The following TIAL1 variants were observed in gnomAD, a reference collection of about 807,000 sequenced individuals.
TIAL1 encodes the protein nucleolysin TIAR.
A neutral mutation model predicts 59.7 loss-of-function variants in TIAL1; 7 were observed. The ratio of observed to expected loss-of-function variants is 0.12; its 90% CI spans 0.07 to 0.22. TIAL1 has a LOEUF of 0.22. Among genes scored for constraint, TIAL1 ranks in the 10% least tolerant of loss-of-function variants. TIAL1 has a pLI of 1.00. For missense variants in TIAL1, 225 were observed against 462.5 expected, an observed-to-expected ratio of 0.49 and a Z score of 4.71; for synonymous variants, 149 against 146.3, an observed-to-expected ratio of 1.02 and a Z score of -0.13.
At chr10:119,586,107 T>C (rs1369683086) in intron 2 of TIAL1, among the ~76,000 whole-genome samples, 4 of 152,216 alleles carry the variant, frequency 2.6e-5, no homozygotes, top group East Asian at 1.9e-4. Flanking sequence ...CCGGTCTCTC[T>C]AGAGTTGCAA....
chr10:119,596,369 C>G, intron 1 of TIAL1, 65 bp downstream of exon 1: 2 of 1,592,370 alleles, frequency 1.3e-6, no homozygotes, highest in Non-Finnish European at 1.7e-6. Flanking sequence ...CTCCTGCTCC[C>G]TCCCTTAGCG....
At chr10:119,579,790 T>C (rs1564735219) in intron 6 of TIAL1, 145 bp downstream of exon 6, 1 of 559,398 alleles carries the variant, frequency 1.8e-6, no homozygotes, top group South Asian at 3.0e-5. Flanking sequence ...GAAATTATAC[T>C]CTATTATTAA....
rs73366851 is a variant in TIAL1 at position 119,584,467 on chromosome 10, T to C, written c.130-1910A>G. On this transcript the variant is annotated intron_variant, in intron 2 of 11. Transcript: ENST00000436547. Reference sequence around the variant, plus strand: ...TTATGAAAGAAAAATAAATAGCTGCTAGATACTCTGCTAGAGTTTATACCC... The same window carrying C: ...TTATGAAAGAAAAATAAATAGCTGCCAGATACTCTGCTAGAGTTTATACCC... Among the ~76,000 whole-genome samples, 689 of 152,244 alleles carry C rather than the reference T, an allele frequency of 4.5e-3. 3 individuals are homozygous for C. Among genetic ancestry groups the C allele is most frequent in the African/African-American group, 0.016 (655 of 41,538 alleles).
chr10:119,590,270 T>C (rs1376588393), intron 1 of TIAL1, among the ~76,000 whole-genome samples: 1 of 152,232 alleles, frequency 6.6e-6, no homozygotes, highest in East Asian at 1.9e-4. Context: ...CAGGCCAATG[T>C]AGTGACATAC....
chr10:119,590,756 GAA>G (rs1564744619), intron 1 of TIAL1, among the ~76,000 whole-genome samples: 6 of 102,168 alleles, frequency 5.9e-5, no homozygotes, highest in African/African-American at 2.6e-4. Context: ...GAGACAGAGA[GAA>G]AGAGAGAAAG....
chr10:119,573,658 A>G lies in TIAL1; in HGVS notation c.*2007T>C, dbSNP rs1844810481. 1 of 152,666 alleles carries G rather than the reference A, an allele frequency of 6.6e-6. No homozygotes were observed. The allele number at this position is 152,666 out of a possible 1,614,324, so 9.5% of individuals were successfully genotyped here. A position where few individuals can be genotyped will look rare whatever the true frequency, so the allele number is the denominator to read the frequency against. Reference sequence around the variant, plus strand: ...AGTTGTTCAAGTTTCACATATACTCATAAAATTTTTAACTCGGGGGCACAG... The same window carrying G: ...AGTTGTTCAAGTTTCACATATACTCGTAAAATTTTTAACTCGGGGGCACAG... On this transcript the variant is annotated 3_prime_UTR_variant, in exon 12 of 12. Transcript: ENST00000436547.
rs902763530 is a variant in TIAL1, at chr10:119,577,784, G to A, written c.557-48C>T. 5.4e-6 allele frequency: 8 copies of A among 1,476,714 alleles called. No individual in the cohort carries two copies. The African/African-American group carries it at 1.1e-4, about 21-fold the overall frequency. The allele number at this position is 1,476,714 out of a possible 1,614,324, so 91.5% of individuals were successfully genotyped here. On this transcript the variant is annotated intron_variant, in intron 7 of 11. Coordinates refer to ENST00000436547, the MANE Select transcript of TIAL1 (RefSeq NM_003252.4). ...AACGTTGACTGTTATATTGTACTAT[G>A]AAACTCTTCTGTTAATTACTATATA...
rs200049480 is a variant in TIAL1 at position 119,575,740 on chromosome 10, T to C, written c.1053A>G (p.Gln351=). 4.4e-6 allele frequency: 7 copies of C among 1,607,318 alleles called. No homozygotes were observed. The highest frequency in any genetic ancestry group is 2.3e-5 in the East Asian group (1 of 44,280). The change falls in exon 12 of 12, where the codon CAA becomes CAG. Residue 351 remains glutamine, a synonymous_variant. Transcript: ENST00000436547. ...WMGGFGAQPP[Q]GQAPPPVIPP... is the part of the protein sequence containing the mutation. ...GTATTACAGGGGGAGGAGCTTGTCC[T>C]TGGGGAGGCTGAGCACCAAATCCAC...
In TIAL1 at chr10:119,590,770, A is replaced by G. The variant is rs150004202; in HGVS notation, c.33-2522T>C. Among the ~76,000 whole-genome samples, 558 of 79,616 alleles carry G rather than the reference A, an allele frequency of 7.0e-3. 2 individuals carry two copies. The highest frequency in any genetic ancestry group is 0.017 in the African/African-American group (285 of 16,330). The allele number at this position is 79,616 out of a possible 152,430, so 52.2% of individuals were successfully genotyped here. Reference sequence around the variant, plus strand: ...AGAGACAGAGAGAAAGAGAGAAAGAAAGAAAGAAAGAAAGAAAGAAAGAAA... The same window carrying G: ...AGAGACAGAGAGAAAGAGAGAAAGAGAGAAAGAAAGAAAGAAAGAAAGAAA... On this transcript the variant is annotated intron_variant, in intron 1 of 11. Coordinates refer to ENST00000436547, the MANE Select transcript of TIAL1 (RefSeq NM_003252.4).
Position 119,574,602 on chromosome 10 carries a change from A to AAAAAAAAC in TIAL1, c.*1062_*1063insGTTTTTTT, listed in dbSNP as rs1844881438. The AAAAAAAAC allele has an allele frequency of 6.7e-6, 1 of 148,378 alleles. No homozygotes were observed. Among genetic ancestry groups the AAAAAAAAC allele is most frequent in the African/African-American group, 2.5e-5 (1 of 39,320 alleles). 9.2% of individuals were successfully genotyped at this position (148,378 alleles called of 1,614,324 possible). A position where few individuals can be genotyped will look rare whatever the true frequency, so the allele number is the denominator to read the frequency against. On this transcript the variant is annotated 3_prime_UTR_variant, in exon 12 of 12. Coordinates refer to ENST00000436547, the MANE Select transcript of TIAL1 (RefSeq NM_003252.4). ...AATGTAAAGCAAAAAAAAAAAAAAA[A>AAAAAAAAC]AAAAACAAAAACAAAAAACTAATTC...
chr10:119,576,935 A>C, intron 10 of TIAL1, 145 bp downstream of exon 10: 1 of 1,325,708 alleles, frequency 7.5e-7, no homozygotes, highest in Non-Finnish European at 1.0e-6. Context: ...AGATTCAGTT[A>C]ATACCGCAAA....
intron 1 of TIAL1, among the ~76,000 whole-genome samples, chr10:119,590,131 T>G (rs1400845995): frequency 6.6e-6 from 1 of 152,222 alleles, no homozygotes; most frequent in Non-Finnish European, 1.5e-5. Flanking sequence ...GTACTAATAA[T>G]CTTAGTGTAC....
At chr10:119,579,060 A>C (rs1182966116) in intron 6 of TIAL1, 1 of 536,264 alleles carries the variant, frequency 1.9e-6, no homozygotes, top group Non-Finnish European at 3.3e-6. Context: ...TTACCACTTC[A>C]ATAAAATGTA....
chr10:119,582,449 A>G lies in TIAL1; in HGVS notation c.228+10T>C. 6.3e-7 allele frequency: 1 copy of G among 1,587,884 alleles called. No homozygotes were observed. Among genetic ancestry groups the G allele is most frequent in the Non-Finnish European group, 8.5e-7 (1 of 1,170,986 alleles). ...TGTACTCATAAGGTGCCATCATCCT[A>G]TTATCTTACCTTTCCCAAAATTTTT... On this transcript the variant is annotated intron_variant, in intron 3 of 11. Transcript: ENST00000436547. This position sits in a 1 kb window ranked among gnomAD's most constrained non-coding sequence, Gnocchi z 5.1.
chr10:119,587,271 T>C (rs1289087823), intron 2 of TIAL1, among the ~76,000 whole-genome samples: 1 of 152,228 alleles, frequency 6.6e-6, no homozygotes, highest in Non-Finnish European at 1.5e-5. Flanking sequence ...TTTCCCTCTC[T>C]GTCTCAAGCA....
intron 5 of TIAL1, 78 bp from the exon 6 acceptor site, chr10:119,580,088 G>C: frequency 8.7e-7 from 1 of 1,146,824 alleles, no homozygotes; most frequent in South Asian, 1.4e-5. Context: ...CACACACACT[G>C]TATTGTGAGC....
At chr10:119,576,322 A>G (rs1230202202) in intron 11 of TIAL1, among the ~76,000 whole-genome samples, 1 of 152,182 alleles carries the variant, frequency 6.6e-6, no homozygotes, top group East Asian at 1.9e-4. Flanking sequence ...GATCTTTTAC[A>G]TGCAAAAATA....
chr10:119,592,328 T>C (rs1470002291), intron 1 of TIAL1: 1 of 152,222 alleles, frequency 6.6e-6, no homozygotes, highest in Non-Finnish European at 1.5e-5. Flanking sequence ...ATGACACCTT[T>C]ATCTCTAATA....
intron 1 of TIAL1, among the ~76,000 whole-genome samples, chr10:119,595,871 G>A (rs1846148581): frequency 6.6e-6 from 1 of 152,216 alleles, no homozygotes; most frequent in Non-Finnish European, 1.5e-5. Context: ...TGACAGCGTG[G>A]GCGGGGGCAC....
Sources: allele counts gnomAD v4.1 joint callset (sites outside exome capture counted in the v4.1 genomes callset), GRCh38; gene constraint gnomAD v4.1.1; non-coding constraint Gnocchi (gnomAD v3.1); transcripts MANE v1.5; gene names NCBI Gene and HGNC (gene_info 2026-07-23, HGNC 2026-07-21).